The following BACH2 variants were observed in gnomAD, a reference collection of about 807,000 sequenced individuals.
The protein encoded by BACH2 is BACH transcriptional regulator 2, also known as transcription regulator protein BACH2.
BACH2 carries 5 observed loss-of-function variants against 61.8 expected under a neutral mutation model. The observed-to-expected ratio is 0.08, with a 90% CI of 0.04 to 0.17. The LOEUF is 0.17. Ranked by LOEUF, BACH2 falls within the 10% of genes least tolerant of loss-of-function variation. The pLI is 1.00. For synonymous variants in BACH2, 446 were observed against 440.1 expected, an observed-to-expected ratio of 1.01 and a Z score of -0.17; for missense variants, 824 against 1,091.1, an observed-to-expected ratio of 0.76 and a Z score of 3.45.
chr6:90,184,811 T>C (rs1011396077), intron 4 of BACH2, among the ~76,000 whole-genome samples: 3 of 152,216 alleles, frequency 2.0e-5, no homozygotes, highest in Admixed American at 1.3e-4. Context: ...CAGTTGCCTA[T>C]GGTATGGCTA....
At chr6:90,001,490 A>G (rs1777131194) in intron 6 of BACH2, 1 of 152,262 alleles carries the variant, frequency 6.6e-6, no homozygotes, top group Admixed American at 6.5e-5. Flanking sequence ...TGTTGCAGCC[A>G]GATTGCCTTC....
chr6:90,028,464 T>C (rs549529130), intron 5 of BACH2, among the ~76,000 whole-genome samples: 2 of 152,368 alleles, frequency 1.3e-5, no homozygotes, highest in East Asian at 1.9e-4. Context: ...ACCTTTTGCA[T>C]GTATGTTCTG....
intron 4 of BACH2, among the ~76,000 whole-genome samples, chr6:90,102,322 G>A (rs1031354314): frequency 3.9e-5 from 6 of 152,114 alleles, no homozygotes; most frequent in African/African-American, 1.4e-4. Flanking sequence ...TTCCATAGAA[G>A]TGGTATTATA....
intron 8 of BACH2, among the ~76,000 whole-genome samples, chr6:89,937,904 A>G (rs749041718): frequency 9.9e-5 from 15 of 152,258 alleles, no homozygotes; most frequent in Non-Finnish European, 2.1e-4. Flanking sequence ...ACTGAAGGAT[A>G]TAAAATATTG....
intron 4 of BACH2, among the ~76,000 whole-genome samples, chr6:90,187,116 T>C (rs761896951): frequency 3.9e-5 from 6 of 152,244 alleles, no homozygotes; most frequent in African/African-American, 1.4e-4. Flanking sequence ...ACTAAGAACA[T>C]CTACTAAATA....
chr6:90,137,606 G>A (rs554587020), intron 4 of BACH2, among the ~76,000 whole-genome samples: 1 of 152,262 alleles, frequency 6.6e-6, no homozygotes, highest in South Asian at 2.1e-4. Flanking sequence ...CATACTTCTA[G>A]CTCTGGACAA....
intron 6 of BACH2, among the ~76,000 whole-genome samples, chr6:90,007,596 G>T (rs1777479922): frequency 6.6e-6 from 1 of 152,184 alleles, no homozygotes; most frequent in Non-Finnish European, 1.5e-5. Context: ...CGTCTGGTTT[G>T]TGACTTCTGT....
chr6:90,140,973 TATC>T (rs1187064834), intron 4 of BACH2, among the ~76,000 whole-genome samples: 1 of 152,162 alleles, frequency 6.6e-6, no homozygotes, highest in East Asian at 1.9e-4. Context: ...CAAGGTTACT[TATC>T]ATAGTAAGGA....
rs573348130 is a variant in BACH2 at position 89,928,309 on chromosome 6, G to T, written c.*4099C>A. On this transcript the variant is annotated 3_prime_UTR_variant, in exon 9 of 9. Coordinates refer to ENST00000257749, the MANE Select transcript of BACH2 (RefSeq NM_021813.4). ...GGGGCATAATGTAGAGAAGTAGGTAGCCAAATAGGGACTTGAGAAAGCTTT... is the reference window on the plus strand; with the variant it reads ...GGGGCATAATGTAGAGAAGTAGGTATCCAAATAGGGACTTGAGAAAGCTTT... 2.0e-5 allele frequency: 3 copies of T among 152,416 alleles called. No homozygotes were observed. The South Asian group carries it at 6.2e-4, about 32-fold the overall frequency. The allele number at this position is 152,416 out of a possible 1,614,324, so 9.4% of individuals were successfully genotyped here.
chr6:90,115,244 A>G (rs1282048036), intron 4 of BACH2, among the ~76,000 whole-genome samples: 1 of 152,188 alleles, frequency 6.6e-6, no homozygotes, highest in Non-Finnish European at 1.5e-5. Context: ...ACAAAGCCTG[A>G]GGAATCACGT....
chr6:90,029,865 A>G (rs1778864376), intron 5 of BACH2, among the ~76,000 whole-genome samples: 1 of 152,190 alleles, frequency 6.6e-6, no homozygotes, highest in Non-Finnish European at 1.5e-5. Context: ...TGCGACCGTT[A>G]GAGAAAACTA....
chr6:90,031,310 C>G lies in BACH2; in HGVS notation c.-12-22454G>C, dbSNP rs1442233480. Among the ~76,000 whole-genome samples the G allele has an allele frequency of 6.7e-4, 102 of 152,258 alleles. 4 individuals carry two copies. The South Asian group carries it at 0.021, about 31-fold the overall frequency. On this transcript the variant is annotated intron_variant, in intron 5 of 8. Transcript: ENST00000257749. ...AATTGGCACAAGACAGGGATGCCCT[C>G]TCTCACCACTCCTATTCAACATAGT...
chr6:90,030,772 G>A (rs1170909912), intron 5 of BACH2, among the ~76,000 whole-genome samples: 4 of 151,874 alleles, frequency 2.6e-5, no homozygotes, highest in Non-Finnish European at 4.4e-5. Context: ...TTCTACCAGA[G>A]GTACAAGGAG....
intron 5 of BACH2, among the ~76,000 whole-genome samples, chr6:90,078,596 CA>C (rs1360570145): frequency 6.6e-6 from 1 of 152,156 alleles, no homozygotes; most frequent in Non-Finnish European, 1.5e-5. Context: ...AATTCTCCAA[CA>C]CATTTTATGA....
intron 4 of BACH2, among the ~76,000 whole-genome samples, chr6:90,149,445 A>C (rs1784734940): frequency 1.3e-5 from 2 of 152,322 alleles, no homozygotes; most frequent in South Asian, 2.1e-4. Flanking sequence ...ACCGTGCTAC[A>C]CATTGTCTCC....
chr6:90,269,635 G>C (rs1442439359), intron 2 of BACH2, among the ~76,000 whole-genome samples: 1 of 152,158 alleles, frequency 6.6e-6, no homozygotes, highest in Non-Finnish European at 1.5e-5. Flanking sequence ...GAATTTCTGA[G>C]AAGTCAGAGA....
chr6:90,107,663 AT>A (rs35319113), intron 4 of BACH2, among the ~76,000 whole-genome samples: 59,854 of 134,716 alleles, frequency 0.44, 12,704 homozygotes, highest in African/African-American at 0.53. Context: ...TCTATTTGTG[AT>A]TTTTTTTTTT....
intron 1 of BACH2, among the ~76,000 whole-genome samples, chr6:90,282,646 T>A (rs1291262696): frequency 6.6e-6 from 1 of 152,154 alleles, no homozygotes; most frequent in Non-Finnish European, 1.5e-5. Context: ...TAATTTATAT[T>A]CCTTTGGGTA....
At chr6:90,275,401 T>C (rs1398782852) in intron 1 of BACH2, among the ~76,000 whole-genome samples, 1 of 152,202 alleles carries the variant, frequency 6.6e-6, no homozygotes, top group Admixed American at 6.5e-5. Context: ...TTTGGAAAAT[T>C]AGAAGAAAAA....
Sources: gnomAD v4.1 joint callset for allele counts (sites outside exome capture counted in the v4.1 genomes callset) on GRCh38, gnomAD v4.1.1 for gene constraint, MANE v1.5 for transcripts, NCBI Gene and HGNC (gene_info 2026-07-23, HGNC 2026-07-21) for gene names.